The following LY96 variants were observed in gnomAD, a reference collection of about 807,000 sequenced individuals.
The protein encoded by LY96 is myeloid differentiation protein-2.
LY96 carries 18 observed loss-of-function variants against 18.9 expected under a neutral mutation model. The observed-to-expected ratio is 0.95, with a 90% CI of 0.66 to 1.41. The LOEUF is 1.41. Among genes scored for constraint, LY96 ranks in the 40% most tolerant of loss-of-function variants. LY96 has a pLI of 0.00. For missense variants in LY96, 175 were observed against 182.4 expected, an observed-to-expected ratio of 0.96 and a Z score of 0.23; for synonymous variants, 66 against 62.6, an observed-to-expected ratio of 1.06 and a Z score of -0.26.
chr8:74,080,215 G>A, the LY96 span, among the ~76,000 whole-genome samples: 1 of 152,136 alleles, frequency 6.6e-6, no homozygotes, highest in African/African-American at 2.4e-5. Context: ...TGCCTGGGGT[G>A]GTAAATGGGG....
chr8:74,064,592 C>G, the LY96 span, among the ~76,000 whole-genome samples: 9 of 152,338 alleles, frequency 5.9e-5, no homozygotes, highest in African/African-American at 1.7e-4. Flanking sequence ...CACATGTGAG[C>G]TCCCCTTTTC....
At chr8:74,019,620 AAG>A (rs1193317764) in intron 3 of LY96, among the ~76,000 whole-genome samples, 6 of 152,200 alleles carry the variant, frequency 3.9e-5, no homozygotes, top group Admixed American at 3.9e-4. Flanking sequence ...ACAACAAAAA[AAG>A]AGAATTTTAG....
At chr8:74,076,846 G>A in the LY96 span, among the ~76,000 whole-genome samples, 1 of 152,040 alleles carries the variant, frequency 6.6e-6, no homozygotes, top group Non-Finnish European at 1.5e-5. Context: ...CTAATTCTGA[G>A]ACTATCTACC....
chr8:73,993,062 C>G (rs1816043674), intron 1 of LY96, among the ~76,000 whole-genome samples: 1 of 150,672 alleles, frequency 6.6e-6, no homozygotes. Context: ...AGGGTTTCAT[C>G]ATGTTGACCA....
the LY96 span, among the ~76,000 whole-genome samples, chr8:74,097,735 A>G: frequency 7.1e-6 from 1 of 140,430 alleles, no homozygotes; most frequent in East Asian, 1.9e-4. Flanking sequence ...TAAGTAAATA[A>G]ATAAGTAAAT....
chr8:74,039,572 G>A, the LY96 span, among the ~76,000 whole-genome samples: 1 of 152,156 alleles, frequency 6.6e-6, no homozygotes, highest in Non-Finnish European at 1.5e-5. Flanking sequence ...TACAAGACAA[G>A]CGGGGCAGGG....
chr8:74,002,747 T>G (rs1431347920), intron 1 of LY96, among the ~76,000 whole-genome samples: 1 of 72,808 alleles, frequency 1.4e-5, no homozygotes, highest in Non-Finnish European at 3.2e-5. Flanking sequence ...AATTTTTGTA[T>G]TTTTTTCATA....
the LY96 span, among the ~76,000 whole-genome samples, chr8:74,096,665 T>C: frequency 2.6e-5 from 4 of 152,212 alleles, no homozygotes; most frequent in African/African-American, 7.2e-5. Context: ...TGTCAGCCAT[T>C]TCCCACTAGA....
At chr8:74,047,866 T>G in the LY96 span, among the ~76,000 whole-genome samples, 1 of 149,674 alleles carries the variant, frequency 6.7e-6, no homozygotes, top group Non-Finnish European at 1.5e-5. Context: ...TTTTAACCAT[T>G]TCCCACTGTT....
rs1210714126 is a variant in LY96 at position 74,011,929 on chromosome 8, T to A, written c.331+1800T>A. ...TATAGATACTTTTCAAAAGAACAGA[T>A]AGAAATGGTCAATAGGTATATTACT... On this transcript the variant is annotated intron_variant, in intron 3 of 4. Transcript: ENST00000284818. Among the ~76,000 whole-genome samples the A allele has an allele frequency of 2.0e-5, 3 of 149,858 alleles. No homozygotes were observed. The East Asian group carries it at 5.9e-4, about 29-fold the overall frequency.
Position 74,028,991 on chromosome 8 carries a change from G to T in LY96, c.420G>T (p.Gly140=), listed in dbSNP as rs772623338. The T allele has an allele frequency of 6.2e-7, 1 of 1,612,036 alleles. No homozygotes were observed. The highest frequency in any genetic ancestry group is 1.1e-5 in the South Asian group (1 of 90,916). Residue 140 remains glycine, a synonymous_variant, in exon 5 of 5, where the codon GGG becomes GGT. Coordinates refer to ENST00000284818, the MANE Select transcript of LY96 (RefSeq NM_015364.5). ...AATGTGTTGTTGAAGCTATTTCTGG[G>T]AGCCCAGAAGAAATGCTCTTTTGCT... ...KYKCVVEAIS[G]SPEEMLFCLE... is the part of the protein sequence containing the mutation.
At chr8:74,033,689 T>C (rs1283221532), downstream of LY96, among the ~76,000 whole-genome samples, 1 of 152,210 alleles carries the variant, frequency 6.6e-6, no homozygotes, top group Non-Finnish European at 1.5e-5. Flanking sequence ...GCTGCTGCTG[T>C]GGTTAAAGAG....
At chr8:74,097,870 C>T in the LY96 span, among the ~76,000 whole-genome samples, 1 of 152,316 alleles carries the variant, frequency 6.6e-6, no homozygotes, top group Non-Finnish European at 1.5e-5. Context: ...CTGGCACCAG[C>T]CCTGCTGAAT....
chr8:74,039,700 G>A, the LY96 span, among the ~76,000 whole-genome samples: 3 of 152,166 alleles, frequency 2.0e-5, no homozygotes, highest in East Asian at 5.8e-4. Flanking sequence ...ATACGTCAGC[G>A]TTTTCTTCTA....
chr8:74,004,830 C>G lies in LY96; in HGVS notation c.147C>G (p.Asn49Lys). The G allele has an allele frequency of 1.3e-6, 2 of 1,583,180 alleles. No homozygotes were observed. The highest frequency in any genetic ancestry group is 1.7e-6 in the Non-Finnish European group (2 of 1,154,440). The change falls in exon 2 of 5, where the codon AAC (asparagine) becomes AAG (lysine). Residue 49 changes from asparagine (N) to lysine (K), a missense_variant. Physicochemically the swap from Asn to Lys is moderately conservative, Grantham distance 94. Transcript: ENST00000284818. ...KMQYPISINV[N>K]PCIELKRSKG... ...AATACCCAATTTCAATTAATGTTAA[C>G]CCCTGTATAGAATTGAAAAGATCCA...
the LY96 span, among the ~76,000 whole-genome samples, chr8:74,040,001 C>T: frequency 6.6e-6 from 1 of 152,166 alleles, no homozygotes; most frequent in African/African-American, 2.4e-5. Flanking sequence ...GGTGTCTTCC[C>T]AGGCACTGGC....
the LY96 span, among the ~76,000 whole-genome samples, chr8:74,076,387 A>C: frequency 6.6e-6 from 1 of 151,130 alleles, no homozygotes; most frequent in East Asian, 2.0e-4. Context: ...GCAATGGTGC[A>C]ATCTTGGCTC....
At chr8:74,002,573 C>CTTT (rs750666985) in intron 1 of LY96, among the ~76,000 whole-genome samples, 1 of 131,426 alleles carries the variant, frequency 7.6e-6, no homozygotes, top group East Asian at 2.2e-4. Flanking sequence ...TTATTTATTT[C>CTTT]TTTTTTTTTT....
chr8:74,013,603 G>A (rs1281712578), intron 3 of LY96, among the ~76,000 whole-genome samples: 1 of 151,892 alleles, frequency 6.6e-6, no homozygotes, highest in Non-Finnish European at 1.5e-5. Context: ...TAAATTTTTT[G>A]TAGAGACAGG....
Sources: gnomAD v4.1 joint callset for allele counts (sites outside exome capture counted in the v4.1 genomes callset) on GRCh38, gnomAD v4.1.1 for gene constraint, MANE v1.5 for transcripts, NCBI Gene and HGNC (gene_info 2026-07-23, HGNC 2026-07-21) for gene names.